MKLN1: variants seen among roughly 807,000 people sequenced by gnomAD.
The protein encoded by MKLN1 is muskelin 1.
MKLN1 carries 18 observed loss-of-function variants against 99.0 expected under a neutral mutation model. That is an observed-to-expected ratio of 0.18 (90% CI 0.13 to 0.27). MKLN1 has a LOEUF of 0.27. MKLN1 is among the 10% of genes least tolerant of loss of function. The pLI, the probability that MKLN1 is intolerant of heterozygous loss-of-function variation, is 1.00. For synonymous variants in MKLN1, 288 were observed against 293.2 expected, an observed-to-expected ratio of 0.98 and a Z score of 0.18; for missense variants, 621 against 875.9, an observed-to-expected ratio of 0.71 and a Z score of 3.67.
chr7:131,148,525 A>G (rs1795845963), intron 2 of MKLN1, among the ~76,000 whole-genome samples: 1 of 152,216 alleles, frequency 6.6e-6, no homozygotes. Context: ...CTGTTCTCCC[A>G]ACACTTTGGG....
chr7:131,180,317 G>A (rs760808126), intron 2 of MKLN1, among the ~76,000 whole-genome samples: 18 of 152,306 alleles, frequency 1.2e-4, no homozygotes, highest in Non-Finnish European at 1.6e-4. Flanking sequence ...CTAAAATGAA[G>A]CAAATGGTGC....
chr7:131,202,402 A>C (rs1217922205), intron 2 of MKLN1, among the ~76,000 whole-genome samples: 1 of 151,910 alleles, frequency 6.6e-6, no homozygotes, highest in Non-Finnish European at 1.5e-5. Flanking sequence ...GGCTTGAGCC[A>C]CCATGCCCTG....
chr7:131,474,615 A>G (rs1214007372), intron 16 of MKLN1, among the ~76,000 whole-genome samples: 1 of 152,244 alleles, frequency 6.6e-6, no homozygotes, highest in African/African-American at 2.4e-5. Flanking sequence ...TAGGAGTTAG[A>G]AAAGAGGAAC....
chr7:131,411,536 G>A (rs943684006), intron 7 of MKLN1, among the ~76,000 whole-genome samples, 153 bp downstream of exon 7: 2 of 152,114 alleles, frequency 1.3e-5, no homozygotes, highest in African/African-American at 2.4e-5. Flanking sequence ...ACTTTTGGAG[G>A]CCGAGGCAGG....
intron 3 of MKLN1, among the ~76,000 whole-genome samples, chr7:131,288,727 G>A (rs1020727446): frequency 6.6e-6 from 1 of 152,120 alleles, no homozygotes; most frequent in Non-Finnish European, 1.5e-5. Flanking sequence ...TTATCTGCTA[G>A]TATTGTGACT....
rs116076521 is a variant in MKLN1 at position 131,241,020 on chromosome 7, G to A, written c.-179+38046G>A. The stretch of plus-strand genomic sequence containing the variant: ...CTTCTTGCTGATATTCATCCCATGG[G>A]CCACTTTATTCATAATAGATCCTTT... On this transcript the variant is annotated intron_variant, in intron 3 of 7. Transcript: ENST00000416992. Among the ~76,000 whole-genome samples, 926 of 152,226 alleles carry A rather than the reference G, an allele frequency of 6.1e-3. 8 individuals carry two copies. Among genetic ancestry groups the A allele is most frequent in the African/African-American group, 0.021 (852 of 41,520 alleles).
chr7:131,446,049 C>T, intron 12 of MKLN1, 146 bp downstream of exon 12: 2 of 473,318 alleles, frequency 4.2e-6, no homozygotes, highest in Non-Finnish European at 7.2e-6. Flanking sequence ...GAAAATTCTA[C>T]CAGCTTATTC....
intron 2 of MKLN1, among the ~76,000 whole-genome samples, chr7:131,376,640 CAA>C (rs540925056): frequency 7.7e-5 from 5 of 65,184 alleles, no homozygotes; most frequent in Non-Finnish European, 9.6e-5. Flanking sequence ...GACTCTGTCT[CAA>C]AAAAAAAAAA....
At chr7:131,252,329 C>CTTTTTTTTTTTTTTTTTTTTT (rs60581249) in intron 3 of MKLN1, among the ~76,000 whole-genome samples, 6 of 118,532 alleles carry the variant, frequency 5.1e-5, no homozygotes, top group South Asian at 2.9e-4. Flanking sequence ...TTTTTCTTTT[C>CTTTTTTTTTTTTTTTTTTTTT]TTTTTTTTTT....
chr7:131,404,945 C>CAAACAAAT (rs1336815159), intron 6 of MKLN1, among the ~76,000 whole-genome samples: 1 of 152,010 alleles, frequency 6.6e-6, no homozygotes, highest in Non-Finnish European at 1.5e-5. Context: ...AACAAACAAA[C>CAAACAAAT]AAACACTTTC....
At chr7:131,255,059 A>T (rs1797638502) in intron 3 of MKLN1, among the ~76,000 whole-genome samples, 1 of 151,360 alleles carries the variant, frequency 6.6e-6, no homozygotes, top group African/African-American at 2.4e-5. Context: ...TGGCTAGTTT[A>T]AAAAAATTTT....
chr7:131,265,062 A>G (rs1797787901), intron 3 of MKLN1, among the ~76,000 whole-genome samples: 1 of 151,492 alleles, frequency 6.6e-6, no homozygotes, highest in African/African-American at 2.4e-5. Context: ...CTGGCCTTGA[A>G]CTCCTGACCT....
intron 2 of MKLN1, among the ~76,000 whole-genome samples, chr7:131,177,538 A>T (rs540722591): frequency 6.6e-6 from 1 of 151,166 alleles, no homozygotes. Flanking sequence ...TATGCTATTT[A>T]CTAATCACAT....
At chr7:131,441,078 T>A (rs1389796202) in intron 10 of MKLN1, among the ~76,000 whole-genome samples, 1 of 152,206 alleles carries the variant, frequency 6.6e-6, no homozygotes, top group Non-Finnish European at 1.5e-5. Context: ...GAATTTTATA[T>A]CTAGCCAAAC....
chr7:131,431,188 C>G (rs1045108673), intron 9 of MKLN1, among the ~76,000 whole-genome samples: 2 of 151,794 alleles, frequency 1.3e-5, no homozygotes, highest in African/African-American at 4.8e-5. Context: ...CACCACTGTG[C>G]TCCAGCCTGG....
intron 16 of MKLN1, among the ~76,000 whole-genome samples, chr7:131,472,480 T>G (rs1421961141): frequency 6.6e-6 from 1 of 152,226 alleles, no homozygotes; most frequent in African/African-American, 2.4e-5. Flanking sequence ...CTTTTTAAAA[T>G]AGTAACAACT....
At chr7:131,384,610 T>C (rs1584680571) in intron 2 of MKLN1, among the ~76,000 whole-genome samples, 2 of 152,210 alleles carry the variant, frequency 1.3e-5, no homozygotes, top group East Asian at 3.8e-4. Context: ...AGCCATCGAT[T>C]TGTTATAATT....
At chr7:131,386,372 TG>T (rs1373049282) in intron 2 of MKLN1, among the ~76,000 whole-genome samples, 1 of 152,156 alleles carries the variant, frequency 6.6e-6, no homozygotes, top group Non-Finnish European at 1.5e-5. Context: ...AGTTGATTTT[TG>T]TGTGTGATAA....
chr7:131,387,067 C>A, intron 2 of MKLN1, 53 bp from the exon 3 acceptor site: 1 of 1,492,288 alleles, frequency 6.7e-7, no homozygotes, highest in Non-Finnish European at 9.0e-7. Flanking sequence ...TTAAAGTTGT[C>A]TAACATTTGT....
Sources: allele counts gnomAD v4.1 joint callset (sites outside exome capture counted in the v4.1 genomes callset), GRCh38; gene constraint gnomAD v4.1.1; transcripts MANE v1.5; gene names NCBI Gene and HGNC (gene_info 2026-07-23, HGNC 2026-07-21).